DPP6: variants seen among roughly 807,000 people sequenced by gnomAD.
The protein encoded by DPP6 is A-type potassium channel modulatory protein DPP6.
A neutral mutation model predicts 122.6 loss-of-function variants in DPP6; 69 were observed. The observed-to-expected ratio is 0.56, with a 90% confidence interval of 0.46 to 0.69. DPP6 has a LOEUF of 0.69. Among genes scored for constraint, DPP6 ranks in the 30% least tolerant of loss-of-function variants. The pLI is 0.00. For synonymous variants in DPP6, 418 were observed against 433.1 expected (o/e 0.97, Z 0.43); for missense variants, 928 against 1,116.9 (o/e 0.83, Z 2.41).
intron 1 of DPP6, among the ~76,000 whole-genome samples, chr7:154,285,886 G>T (rs1804817523): frequency 6.6e-6 from 1 of 152,146 alleles, no homozygotes; most frequent in Non-Finnish European, 1.5e-5. Flanking sequence ...GAAAACTCCG[G>T]CGTGTTTTTC....
Position 154,587,616 on chromosome 7 carries a change from T to C in DPP6, c.627+20700T>C, listed in dbSNP as rs528042257. Reference sequence around the variant, plus strand: ...GGACCATAGAAATGGAATTGAGCTTTCTAAAATGATTCTGCCCATCTCCCA... The same window carrying C: ...GGACCATAGAAATGGAATTGAGCTTCCTAAAATGATTCTGCCCATCTCCCA... On this transcript the variant is annotated intron_variant, in intron 5 of 25. Transcript: ENST00000377770. 5.7e-4 allele frequency: 865 copies of C among 1,522,874 alleles called. 2 individuals are homozygous for C. Among genetic ancestry groups the C allele is most frequent in the Middle Eastern group, 2.7e-3 (16 of 5,878 alleles). The allele number at this position is 1,522,874 out of a possible 1,614,324, so 94.3% of individuals were successfully genotyped here.
At chr7:154,569,627 T>C (rs945121540) in intron 5 of DPP6, among the ~76,000 whole-genome samples, 2 of 151,916 alleles carry the variant, frequency 1.3e-5, no homozygotes, top group African/African-American at 4.9e-5. Flanking sequence ...TATCATAAAA[T>C]TGTTTTAGTG....
chr7:154,493,179 G>C (rs1824436443), intron 3 of DPP6, among the ~76,000 whole-genome samples: 1 of 151,986 alleles, frequency 6.6e-6, no homozygotes, highest in Non-Finnish European at 1.5e-5. Context: ...GTTTGAGCTA[G>C]AGCCAGATCT....
intron 1 of DPP6, among the ~76,000 whole-genome samples, chr7:154,283,183 C>T (rs1483257812): frequency 6.6e-6 from 1 of 152,124 alleles, no homozygotes; most frequent in Non-Finnish European, 1.5e-5. Context: ...TCCCCGTTGT[C>T]TTGTCCTAGG....
chr7:154,510,554 C>T (rs1825985209), intron 3 of DPP6, among the ~76,000 whole-genome samples: 1 of 151,936 alleles, frequency 6.6e-6, no homozygotes, highest in Non-Finnish European at 1.5e-5. Context: ...AAAAAATTAG[C>T]CGGGTGTGAT....
At chr7:154,848,906 A>T (rs56263067) in intron 16 of DPP6, among the ~76,000 whole-genome samples, 2,319 of 152,292 alleles carry the variant, frequency 0.015, 62 homozygotes, top group African/African-American at 0.053. Flanking sequence ...AACACCACTT[A>T]TTGAAGAGAC....
the DPP6 span, among the ~76,000 whole-genome samples, chr7:153,759,819 T>C: frequency 6.6e-6 from 1 of 152,222 alleles, no homozygotes; most frequent in Non-Finnish European, 1.5e-5. Context: ...GCTTTTTAAG[T>C]ATCTATGAGT....
At chr7:154,621,648 T>C (rs973485115) in intron 5 of DPP6, among the ~76,000 whole-genome samples, 1 of 152,242 alleles carries the variant, frequency 6.6e-6, no homozygotes, top group African/African-American at 2.4e-5. Context: ...ATTAGAGGCA[T>C]GAGCTACCGC....
At chr7:154,574,349 GTA>G (rs1426593306) in intron 5 of DPP6, among the ~76,000 whole-genome samples, 8 of 138,388 alleles carry the variant, frequency 5.8e-5, no homozygotes, top group East Asian at 2.3e-4. Flanking sequence ...TGTGGTATGT[GTA>G]TATGTGTGTG....
intron 6 of DPP6, among the ~76,000 whole-genome samples, chr7:154,647,796 G>T (rs998365120): frequency 6.6e-6 from 1 of 152,194 alleles, no homozygotes; most frequent in Non-Finnish European, 1.5e-5. Context: ...CAGCACGCGT[G>T]TTGAACCAGC....
intron 1 of DPP6, among the ~76,000 whole-genome samples, chr7:154,136,336 C>T (rs1308891495): frequency 6.6e-6 from 1 of 152,072 alleles, no homozygotes; most frequent in Non-Finnish European, 1.5e-5. Context: ...CCCTGGTGTT[C>T]CCAAATGTTC....
intron 16 of DPP6, among the ~76,000 whole-genome samples, chr7:154,834,243 G>C (rs2873201): frequency 1.3e-5 from 2 of 150,486 alleles, no homozygotes; most frequent in South Asian, 4.2e-4. Flanking sequence ...CGAGGCAGGC[G>C]GATCCCCTTA....
intron 1 of DPP6, among the ~76,000 whole-genome samples, chr7:154,154,095 C>G (rs1362439354): frequency 6.6e-6 from 1 of 152,226 alleles, no homozygotes; most frequent in African/African-American, 2.4e-5. Flanking sequence ...CTTCAGGCAG[C>G]AGGAAAAGTC....
chr7:154,128,488 G>A (rs1808101296), intron 1 of DPP6, among the ~76,000 whole-genome samples: 1 of 152,216 alleles, frequency 6.6e-6, no homozygotes, highest in East Asian at 1.9e-4. Flanking sequence ...TGCAAGCTCC[G>A]CCTCCTGGGT....
At chr7:154,221,920 T>G (rs914438851) in intron 1 of DPP6, among the ~76,000 whole-genome samples, 2 of 152,152 alleles carry the variant, frequency 1.3e-5, no homozygotes, top group Non-Finnish European at 2.9e-5. Context: ...CATGGTAAAT[T>G]GAAAATTTAA....
chr7:153,830,835 A>G, the DPP6 span, among the ~76,000 whole-genome samples: 1 of 152,256 alleles, frequency 6.6e-6, no homozygotes, highest in East Asian at 1.9e-4. Context: ...GGCAAGAGAG[A>G]AAATACGTCA....
At chr7:153,962,998 G>A (rs1288110072) in intron 1 of DPP6, among the ~76,000 whole-genome samples, 2 of 151,994 alleles carry the variant, frequency 1.3e-5, no homozygotes, top group Non-Finnish European at 2.9e-5. Flanking sequence ...ACTCTCCTAC[G>A]AAGACTAAAT....
Position 154,872,821 on chromosome 7 carries a change from T to C in DPP6, c.1883+128T>C. 3.3e-6 allele frequency: 5 copies of C among 1,497,396 alleles called. No individual in the cohort carries two copies. In the South Asian group the frequency reaches 6.2e-5, roughly 19 times the overall value. The allele number at this position is 1,497,396 out of a possible 1,614,324, so 92.8% of individuals were successfully genotyped here. A position where few individuals can be genotyped will look rare whatever the true frequency, so the allele number is the denominator to read the frequency against. On this transcript the variant is annotated intron_variant, in intron 19 of 25. Transcript: ENST00000377770. ...ATGACATTGTTGCAAACTGAAAACA[T>C]AACATCGTTTAGCCCAATGTCAGGT...
chr7:154,202,341 GAGA>G (rs1463685384), intron 1 of DPP6, among the ~76,000 whole-genome samples: 1 of 152,230 alleles, frequency 6.6e-6, no homozygotes, highest in Non-Finnish European at 1.5e-5. Flanking sequence ...TAAGGGGACA[GAGA>G]AGAAAACAGA....
Sources: gnomAD v4.1 joint callset for allele counts (sites outside exome capture counted in the v4.1 genomes callset) on GRCh38, gnomAD v4.1.1 for gene constraint, MANE v1.5 for transcripts, NCBI Gene and HGNC (gene_info 2026-07-23, HGNC 2026-07-21) for gene names.